Variants in PTPRD observed in about 807,000 individuals in gnomAD.
The protein encoded by PTPRD is protein tyrosine phosphatase receptor type D, also known as receptor-type tyrosine-protein phosphatase delta.
PTPRD carries 34 observed loss-of-function variants against 214.5 expected under a neutral mutation model. The observed-to-expected ratio is 0.16, with a 90% CI of 0.12 to 0.21. PTPRD has a LOEUF of 0.21. Ranked by LOEUF, PTPRD falls within the 10% of genes least tolerant of loss-of-function variation. The probability of loss-of-function intolerance (pLI) is 1.00; values close to 1 mark genes in which losing one functional copy is unlikely to be tolerated. For synonymous variants in PTPRD, 1,128 were observed against 845.7 expected (o/e 1.33, Z -5.79); for missense variants, 2,545 against 2,398.7 (o/e 1.06, Z -1.27).
intron 11 of PTPRD, among the ~76,000 whole-genome samples, chr9:8,833,098 A>G (rs1006587138): frequency 6.6e-6 from 1 of 152,174 alleles, no homozygotes; most frequent in African/African-American, 2.4e-5. Flanking sequence ...CATCCAGTTC[A>G]TACACAGGCC....
chr9:9,980,856 T>G (rs1423443735), intron 4 of PTPRD, among the ~76,000 whole-genome samples: 1 of 69,598 alleles, frequency 1.4e-5, no homozygotes, highest in Non-Finnish European at 3.8e-5. Flanking sequence ...ATGTTCAAGC[T>G]TGTTTGCAAT....
At chr9:10,062,600 C>A (rs2097794606) in intron 3 of PTPRD, among the ~76,000 whole-genome samples, 1 of 152,038 alleles carries the variant, frequency 6.6e-6, no homozygotes, top group African/African-American at 2.4e-5. Flanking sequence ...GAGTGAAACT[C>A]AGTCTCAAGA....
chr9:10,057,524 G>T, intron 3 of PTPRD, among the ~76,000 whole-genome samples: 1 of 152,048 alleles, frequency 6.6e-6, no homozygotes, highest in East Asian at 1.9e-4. Flanking sequence ...TAAACATTTG[G>T]AGTATTCTTC....
At chr9:8,807,335 T>TCAA (rs896007052) in intron 11 of PTPRD, among the ~76,000 whole-genome samples, 8 of 152,052 alleles carry the variant, frequency 5.3e-5, no homozygotes, top group Admixed American at 1.3e-4. Context: ...AGACTCCATC[T>TCAA]CAACAACAAC....
chr9:9,904,133 C>A (rs146109445), intron 5 of PTPRD, among the ~76,000 whole-genome samples: 1 of 152,214 alleles, frequency 6.6e-6, no homozygotes, highest in Non-Finnish European at 1.5e-5. Flanking sequence ...CACAAAGAAT[C>A]TCTCTGTGTC....
At chr9:10,407,860 T>A (rs72501406) in intron 2 of PTPRD, among the ~76,000 whole-genome samples, 11,279 of 151,648 alleles carry the variant, frequency 0.074, 477 homozygotes, top group South Asian at 0.17. Context: ...AATTTTTTTT[T>A]AAATTTTAAC....
intron 12 of PTPRD, among the ~76,000 whole-genome samples, chr9:8,675,392 G>A (rs2097381659): frequency 6.6e-6 from 1 of 151,600 alleles, no homozygotes; most frequent in Non-Finnish European, 1.5e-5. Context: ...TTAATCAATA[G>A]ATGAGCTTCA....
At chr9:9,787,575 A>G (rs1027081415) in intron 5 of PTPRD, among the ~76,000 whole-genome samples, 4 of 152,020 alleles carry the variant, frequency 2.6e-5, no homozygotes, top group African/African-American at 4.8e-5. Context: ...GATTTCAGAA[A>G]AAGAAAAAGA....
At chr9:8,694,573 A>C (rs10977253) in intron 12 of PTPRD, among the ~76,000 whole-genome samples, 1,520 of 149,900 alleles carry the variant, frequency 0.01, 30 homozygotes, top group African/African-American at 0.037. Flanking sequence ...AATGACAAAC[A>C]ACAATACATT....
At chr9:9,781,213 A>G (rs1241625881) in intron 5 of PTPRD, among the ~76,000 whole-genome samples, 2 of 152,346 alleles carry the variant, frequency 1.3e-5, no homozygotes, top group Non-Finnish European at 1.5e-5. Flanking sequence ...ACAGTGGTTC[A>G]TCAGGGGTAA....
chr9:8,505,393 C>T (rs866662868), intron 22 of PTPRD, among the ~76,000 whole-genome samples: 4 of 151,972 alleles, frequency 2.6e-5, no homozygotes, highest in South Asian at 2.1e-4. Flanking sequence ...GAGGCCAAGG[C>T]GGGCGGAACA....
chr9:10,535,499 A>AT (rs918530574), intron 2 of PTPRD, among the ~76,000 whole-genome samples: 1 of 152,118 alleles, frequency 6.6e-6, no homozygotes, highest in African/African-American at 2.4e-5. Flanking sequence ...TTTAAAAAAA[A>AT]GTGTCTAACA....
intron 8 of PTPRD, among the ~76,000 whole-genome samples, chr9:9,547,555 G>A (rs1481081298): frequency 6.6e-6 from 1 of 151,964 alleles, no homozygotes; most frequent in East Asian, 1.9e-4. Flanking sequence ...TGTAGAGTGT[G>A]TGATTCAGTG....
In PTPRD at chr9:9,434,728, C is replaced by G. The variant is rs374177065; in HGVS notation, c.-236-37246G>C. On this transcript the variant is annotated intron_variant, in intron 8 of 45. Transcript: ENST00000381196. ...AGAAATATATGTATATACAACAAAT[C>G]GTACCCCATAAATATGTACAATTAC... Among the ~76,000 whole-genome samples the G allele has an allele frequency of 3.9e-5, 6 of 151,924 alleles. 1 individual carries two copies. The highest frequency in any genetic ancestry group is 1.4e-4 in the African/African-American group (6 of 41,460).
intron 10 of PTPRD, among the ~76,000 whole-genome samples, chr9:9,062,554 T>A (rs2099709423): frequency 1.5e-5 from 1 of 67,712 alleles, no homozygotes; most frequent in Non-Finnish European, 3.1e-5. Flanking sequence ...TCTCTCCATA[T>A]ATTATCTATC....
In PTPRD at chr9:8,809,931, G is replaced by C. The variant is rs141224818; in HGVS notation, c.-103-75985C>G. On this transcript the variant is annotated intron_variant, in intron 11 of 45. Coordinates refer to ENST00000381196, the MANE Select transcript of PTPRD (RefSeq NM_002839.4). ...CATCAACAGATGTCATAAGAGATAAGCTCCAATTTGACACGCTCTTGCAGA... is the reference window on the plus strand; with the variant it reads ...CATCAACAGATGTCATAAGAGATAACCTCCAATTTGACACGCTCTTGCAGA... 7.2e-4 allele frequency among the ~76,000 whole-genome samples: 109 copies of C among 152,258 alleles called. 1 individual carries two copies. The highest frequency in any genetic ancestry group is 2.5e-3 in the African/African-American group (102 of 41,556).
chr9:8,669,998 AG>A (rs1029723633), intron 12 of PTPRD, among the ~76,000 whole-genome samples: 2 of 151,366 alleles, frequency 1.3e-5, no homozygotes, highest in Non-Finnish European at 2.9e-5. Flanking sequence ...GAAAGATTAT[AG>A]GGGTCGGTGT....
At chr9:9,737,772 T>C (rs1292129589) in intron 6 of PTPRD, among the ~76,000 whole-genome samples, 1 of 152,228 alleles carries the variant, frequency 6.6e-6, no homozygotes, top group Non-Finnish European at 1.5e-5. Context: ...TTTTTGCTAT[T>C]ATGAATAACA....
chr9:8,954,791 A>G (rs1027470142), intron 11 of PTPRD, among the ~76,000 whole-genome samples: 1 of 151,964 alleles, frequency 6.6e-6, no homozygotes, highest in Non-Finnish European at 1.5e-5. Context: ...GATAAAAACA[A>G]TGGACTCAAG....
Sources: gnomAD v4.1 joint callset for allele counts (sites outside exome capture counted in the v4.1 genomes callset) on GRCh38, gnomAD v4.1.1 for gene constraint, MANE v1.5 for transcripts, NCBI Gene and HGNC (gene_info 2026-07-23, HGNC 2026-07-21) for gene names.